The following ZNF736 variants were observed in gnomAD, a reference collection of about 807,000 sequenced individuals.
ZNF736 encodes the protein KRAB-containing zinc-finger repressor protein.
Under a neutral mutation model 11.7 loss-of-function variants are expected in ZNF736, and 6 were observed. The ratio of observed to expected loss-of-function variants is 0.51; its 90% CI spans 0.28 to 1.01. The LOEUF (loss-of-function observed/expected upper bound fraction) is 1.01, where lower values mean the gene tolerates loss of function less well. Among genes scored for constraint, ZNF736 ranks in the 50% least tolerant of loss-of-function variants. The probability of loss-of-function intolerance (pLI) is 0.09; values close to 1 mark genes in which losing one functional copy is unlikely to be tolerated. For synonymous variants in ZNF736, 139 were observed against 164.7 expected, an observed-to-expected ratio of 0.84 and a Z score of 1.19; for missense variants, 444 against 496.0, an observed-to-expected ratio of 0.90 and a Z score of 1.00.
At chr7:64,340,880 A>T (rs1323235825) in intron 3 of ZNF736, among the ~76,000 whole-genome samples, 1 of 152,176 alleles carries the variant, frequency 6.6e-6, no homozygotes, top group Non-Finnish European at 1.5e-5. Context: ...TTCGAAATTT[A>T]GGAAGTTCTT....
In ZNF736 at chr7:64,354,573, G is replaced by C. The variant is rs750105608; in HGVS notation, c.*5426G>C. 4.6e-5 allele frequency: 7 copies of C among 151,966 alleles called. No individual in the cohort carries two copies. Among genetic ancestry groups the C allele is most frequent in the Non-Finnish European group, 8.8e-5 (6 of 67,960 alleles). 9.4% of individuals were successfully genotyped at this position (151,966 alleles called of 1,614,324 possible). On this transcript the variant is annotated 3_prime_UTR_variant, in exon 4 of 4. Coordinates refer to ENST00000423484, the MANE Select transcript of ZNF736 (RefSeq NM_001170905.3). The stretch of plus-strand genomic sequence containing the variant: ...CAAATTCTTTTTTTGTTGTTTGTCT[G>C]TTTGCCTGTTGCTCACCATAGACAT...
chr7:64,340,464 A>G (rs1408478666), intron 3 of ZNF736, among the ~76,000 whole-genome samples: 4 of 152,350 alleles, frequency 2.6e-5, no homozygotes, highest in East Asian at 1.9e-4. Context: ...CCAAAGAGCA[A>G]GGGTTTTCAA....
chr7:64,325,513 CG>C (rs1744096103), intron 1 of ZNF736, among the ~76,000 whole-genome samples: 1 of 152,154 alleles, frequency 6.6e-6, no homozygotes, highest in Non-Finnish European at 1.5e-5. Flanking sequence ...CAATGCCACT[CG>C]TCGGGTGCCT....
intron 1 of ZNF736, among the ~76,000 whole-genome samples, chr7:64,324,185 T>C (rs1296535041): frequency 6.6e-6 from 1 of 152,214 alleles, no homozygotes; most frequent in Non-Finnish European, 1.5e-5. Context: ...ATGCTCATGC[T>C]ATAATAACTT....
In ZNF736 at chr7:64,349,320, C is replaced by T. The variant is rs1584278326; in HGVS notation, c.*173C>T. On this transcript the variant is annotated 3_prime_UTR_variant, in exon 4 of 4. Transcript: ENST00000423484. ...TTATATGTTGGGTACATATATAGCC[C>T]TTTGCTATTATGTAATGCCCTTTTT... is the stretch of plus-strand genomic sequence containing the variant. 1 of 508,056 alleles carries T rather than the reference C, an allele frequency of 2.0e-6. No individual in the cohort carries two copies. Among genetic ancestry groups the T allele is most frequent in the East Asian group, 3.1e-5 (1 of 31,756 alleles). The allele number at this position is 508,056 out of a possible 1,614,324, so 31.5% of individuals were successfully genotyped here. A position where few individuals can be genotyped will look rare whatever the true frequency, so the allele number is the denominator to read the frequency against.
Position 64,349,434 on chromosome 7 carries a change from G to A in ZNF736, c.*287G>A. 3.8e-6 allele frequency: 1 copy of A among 266,104 alleles called. No homozygotes were observed. Among genetic ancestry groups the A allele is most frequent in the Non-Finnish European group, 7.1e-6 (1 of 141,842 alleles). The allele number at this position is 266,104 out of a possible 1,614,324, so 16.5% of individuals were successfully genotyped here. On this transcript the variant is annotated 3_prime_UTR_variant, in exon 4 of 4. Coordinates refer to ENST00000423484, the MANE Select transcript of ZNF736 (RefSeq NM_001170905.3). The stretch of plus-strand genomic sequence containing the variant: ...TTTCCTGTTTTCTATTTGCTTGGTA[G>A]GCTTTTCTTTTTCCCTTTATTTTGA...
At chr7:64,334,259 C>T (rs1562672038) in intron 1 of ZNF736, among the ~76,000 whole-genome samples, 1 of 152,092 alleles carries the variant, frequency 6.6e-6, no homozygotes, top group African/African-American at 2.4e-5. Context: ...GACTAAAACA[C>T]CAAAGGCAAT....
intron 2 of ZNF736, 140 bp downstream of exon 2, chr7:64,336,525 G>A: frequency 2.3e-6 from 2 of 880,930 alleles, no homozygotes; most frequent in Non-Finnish European, 3.3e-6. Context: ...TGTTGAGGTA[G>A]AAAATATAAT....
At chr7:64,323,634 A>G (rs1322803413) in intron 1 of ZNF736, among the ~76,000 whole-genome samples, 8 of 152,316 alleles carry the variant, frequency 5.3e-5, no homozygotes, top group Non-Finnish European at 1.2e-4. Flanking sequence ...AACTTAACAC[A>G]GGAACAGAAA....
At position 64,319,486 on chromosome 7, in the gene ZNF736, TCC is replaced by T. The variant is rs754950137; in HGVS notation, c.3+5335_3+5336del. Among the ~76,000 whole-genome samples the T allele has an allele frequency of 6.2e-5, 5 of 80,272 alleles. 1 individual carries two copies. Among genetic ancestry groups the T allele is most frequent in the Admixed American group, 1.4e-4 (1 of 7,172 alleles). 52.7% of individuals were successfully genotyped at this position (80,272 alleles called of 152,430 possible). A position where few individuals can be genotyped will look rare whatever the true frequency, so the allele number is the denominator to read the frequency against. On this transcript the variant is annotated intron_variant, in intron 1 of 3. Transcript: ENST00000423484. ...ACCCAGGTAAATAGAAAACATTTCT[TCC>T]CTTTTTTTTTTTTTTTTTTTTTTTT...
At position 64,350,326 on chromosome 7, in the gene ZNF736, C is replaced by T. The variant is rs1789468757; in HGVS notation, c.*1179C>T. On this transcript the variant is annotated 3_prime_UTR_variant, in exon 4 of 4. Transcript: ENST00000423484. Reference sequence around the variant, plus strand: ...AGTCTTGAGGCCCTGAGATTCTTTCCTCTGCTTGGCCTATTCTGCTGTTAA... The same window carrying T: ...AGTCTTGAGGCCCTGAGATTCTTTCTTCTGCTTGGCCTATTCTGCTGTTAA... 1.3e-5 allele frequency: 2 copies of T among 152,060 alleles called. No individual in the cohort carries two copies. Among genetic ancestry groups the T allele is most frequent in the East Asian group, 3.9e-4 (2 of 5,182 alleles). 9.4% of individuals were successfully genotyped at this position (152,060 alleles called of 1,614,324 possible).
In ZNF736 at chr7:64,343,765, T is replaced by G. The variant is rs181808577; in HGVS notation, c.227-4325T>G. Among the ~76,000 whole-genome samples, 160 of 152,330 alleles carry G rather than the reference T, an allele frequency of 1.1e-3. 1 individual carries two copies. The highest frequency in any genetic ancestry group is 3.8e-3 in the African/African-American group (158 of 41,580). Reference sequence around the variant, plus strand: ...TGTTTTACAGTAGCCTATGTCACATTAATTAATTGTGTTTTTAGTTTTTAT... The same window carrying G: ...TGTTTTACAGTAGCCTATGTCACATGAATTAATTGTGTTTTTAGTTTTTAT... On this transcript the variant is annotated intron_variant, in intron 3 of 3. Transcript: ENST00000423484.
intron 3 of ZNF736, among the ~76,000 whole-genome samples, chr7:64,344,115 C>T (rs1789376909): frequency 6.6e-6 from 1 of 152,088 alleles, no homozygotes; most frequent in Admixed American, 6.5e-5. Context: ...CCAGCCTGGC[C>T]AACATGGCAA....
chr7:64,344,642 T>A (rs2115957781), intron 3 of ZNF736, among the ~76,000 whole-genome samples: 1 of 152,350 alleles, frequency 6.6e-6, no homozygotes, highest in Non-Finnish European at 1.5e-5. Flanking sequence ...TTTAAAAAGC[T>A]GATTAATATT....
At position 64,348,920 on chromosome 7, in the gene ZNF736, T is replaced by C; in HGVS notation, c.1057T>C (p.Ser353Pro). ...CEECGKAFTR[S>P]STLFNHKRIH... Reference sequence around the variant, plus strand: ...AGAATGTGGCAAAGCCTTTACCCGCTCCTCAACCCTTTTTAACCACAAGAG... The same window carrying C: ...AGAATGTGGCAAAGCCTTTACCCGCCCCTCAACCCTTTTTAACCACAAGAG... The change falls in exon 4 of 4, where the codon TCC (serine) becomes CCC (proline). Residue 353 changes from serine (S) to proline (P), a missense_variant. Ser to Pro is a moderately conservative substitution (Grantham distance 74). Transcript: ENST00000423484. 3 of 1,604,830 alleles carry C rather than the reference T, an allele frequency of 1.9e-6. No individual in the cohort carries two copies. The highest frequency in any genetic ancestry group is 2.6e-6 in the Non-Finnish European group (3 of 1,175,312).
In ZNF736 at chr7:64,353,902, C is replaced by A. The variant is rs1789522485; in HGVS notation, c.*4755C>A. On this transcript the variant is annotated 3_prime_UTR_variant, in exon 4 of 4. Transcript: ENST00000423484. ...TGTGAACTTAATTTGTTTTAATAAA[C>A]CAAAATTATTGTTATTGTGTTAAGG... is the stretch of plus-strand genomic sequence containing the variant. The A allele has an allele frequency of 6.6e-6, 1 of 152,134 alleles. No individual in the cohort carries two copies. The highest frequency in any genetic ancestry group is 1.5e-5 in the Non-Finnish European group (1 of 68,014). The allele number at this position is 152,134 out of a possible 1,614,324, so 9.4% of individuals were successfully genotyped here.
intron 1 of ZNF736, among the ~76,000 whole-genome samples, chr7:64,333,219 G>A (rs1307515162): frequency 6.6e-6 from 1 of 152,174 alleles, no homozygotes; most frequent in African/African-American, 2.4e-5. Flanking sequence ...TACTTGTGAT[G>A]TTTTGCCTTA....
At position 64,336,912 on chromosome 7, in the gene ZNF736, G is replaced by A. The variant is rs780825715; in HGVS notation, c.156G>A (p.Leu52=). Residue 52 remains leucine (L), a synonymous_variant, in exon 3 of 4, where the codon TTG becomes TTA. Coordinates refer to ENST00000423484, the MANE Select transcript of ZNF736 (RefSeq NM_001170905.3). ...GTCTTGCTATCTTTAAGCCAGACTT[G>A]ATGACCTGTCTGGAGCAAAGAAAAG... ...SLGLAIFKPD[L]MTCLEQRKEP... 6.2e-7 allele frequency: 1 copy of A among 1,601,026 alleles called. No individual in the cohort carries two copies. The highest frequency in any genetic ancestry group is 8.5e-7 in the Non-Finnish European group (1 of 1,173,480).
intron 1 of ZNF736, among the ~76,000 whole-genome samples, chr7:64,330,026 C>T (rs1051899448): frequency 9.9e-5 from 15 of 152,166 alleles, no homozygotes; most frequent in African/African-American, 1.4e-4. Context: ...CTCCCCATGG[C>T]CACCACCACC....
Sources: gnomAD v4.1 joint callset for allele counts (sites outside exome capture counted in the v4.1 genomes callset) on GRCh38, gnomAD v4.1.1 for gene constraint, MANE v1.5 for transcripts, NCBI Gene and HGNC (gene_info 2026-07-23, HGNC 2026-07-21) for gene names.